FRMPD4: variants seen among roughly 807,000 people sequenced by gnomAD.
FRMPD4 encodes FERM and PDZ domain-containing protein 4.
FRMPD4 carries 22 observed loss-of-function variants against 94.1 expected under a neutral mutation model. The ratio of observed to expected loss-of-function variants is 0.23; its 90% confidence interval spans 0.17 to 0.33. FRMPD4 has a LOEUF of 0.33. FRMPD4 is among the 10% of genes least tolerant of loss of function. The pLI is 1.00. For missense variants in FRMPD4, 1,111 were observed against 1,339.9 expected (o/e 0.83, Z 2.67); for synonymous variants, 631 against 548.6 (o/e 1.15, Z -2.10).
At chrX:12,481,496 A>T (rs2057679660) in intron 1 of FRMPD4, among the ~76,000 whole-genome samples, 1 of 111,175 alleles carries the variant, frequency 9.0e-6, no homozygotes, top group Admixed American at 9.6e-5. Flanking sequence ...AGGGGTGCTG[A>T]CTTTCATGAC....
intron 4 of FRMPD4, among the ~76,000 whole-genome samples, chrX:12,657,846 G>A (rs1272093976): frequency 1.8e-5 from 2 of 112,514 alleles, no homozygotes; most frequent in African/African-American, 6.5e-5. Context: ...TTAAATTTAA[G>A]TCTAGCCTCC....
chrX:12,627,668 T>C (rs760111255), intron 4 of FRMPD4, among the ~76,000 whole-genome samples: 1 of 112,399 alleles, frequency 8.9e-6, no homozygotes, highest in South Asian at 3.7e-4. Flanking sequence ...ATTATCTTAA[T>C]GTCCTTAGAT....
At chrX:12,253,886 G>A (rs2054079384) in intron 1 of FRMPD4, among the ~76,000 whole-genome samples, 1 of 111,240 alleles carries the variant, frequency 9.0e-6, no homozygotes, top group Non-Finnish European at 1.9e-5. Context: ...ATATTATCAG[G>A]AGAACATGAG....
At chrX:12,266,812 G>C (rs2054284070) in intron 1 of FRMPD4, among the ~76,000 whole-genome samples, 3 of 112,138 alleles carry the variant, frequency 2.7e-5, no homozygotes, top group Admixed American at 9.4e-5. Context: ...ATTCAGAGTA[G>C]CCTATAGTGG....
chrX:12,547,441 T>C, intron 2 of FRMPD4, among the ~76,000 whole-genome samples: 1 of 111,844 alleles, frequency 8.9e-6, no homozygotes, highest in South Asian at 3.7e-4. Context: ...GAGAGAGAAA[T>C]ATTTCATGGC....
At chrX:12,277,589 G>A (rs1393432096) in intron 1 of FRMPD4, among the ~76,000 whole-genome samples, 4 of 111,770 alleles carry the variant, frequency 3.6e-5, no homozygotes, top group Non-Finnish European at 7.5e-5. Context: ...CTGACACAGG[G>A]AAGACATCTC....
intron 1 of FRMPD4, among the ~76,000 whole-genome samples, chrX:12,195,881 G>A (rs571282339): frequency 8.9e-6 from 1 of 111,756 alleles, no homozygotes; most frequent in African/African-American, 3.3e-5. Flanking sequence ...GAGGGCAGAA[G>A]TCATAGGCCA....
chrX:12,352,353 C>G (rs1047467246), intron 1 of FRMPD4, among the ~76,000 whole-genome samples: 1 of 112,120 alleles, frequency 8.9e-6, no homozygotes, highest in Non-Finnish European at 1.9e-5. Flanking sequence ...TGTGTGTGAC[C>G]AGTCAAAATA....
At chrX:12,162,078 A>G (rs925492131) in intron 1 of FRMPD4, among the ~76,000 whole-genome samples, 1 of 112,206 alleles carries the variant, frequency 8.9e-6, no homozygotes, top group African/African-American at 3.2e-5. Context: ...GAAAAGAAAA[A>G]ACAGTGGCTG....
At chrX:12,503,157 G>C (rs1270030672) in intron 2 of FRMPD4, among the ~76,000 whole-genome samples, 7 of 111,842 alleles carry the variant, frequency 6.3e-5, no homozygotes, top group Non-Finnish European at 1.3e-4. Flanking sequence ...TAAAATACTA[G>C]CTGGCAAAAT....
chrX:12,434,645 G>A (rs2057044631), intron 1 of FRMPD4, among the ~76,000 whole-genome samples: 1 of 112,096 alleles, frequency 8.9e-6, no homozygotes, highest in Non-Finnish European at 1.9e-5. Context: ...GCTCAGACCT[G>A]GCTTCTAAAA....
intron 1 of FRMPD4, among the ~76,000 whole-genome samples, chrX:12,191,438 C>T (rs1387368845): frequency 8.9e-6 from 1 of 111,940 alleles, no homozygotes. Context: ...AACAAAAGCC[C>T]GCACACGAAT....
intron 16 of FRMPD4, among the ~76,000 whole-genome samples, chrX:12,720,044 GGAAAGGAAAGAAAGAAA>G (rs1485455482): frequency 1.6e-3 from 48 of 30,400 alleles, no homozygotes; most frequent in South Asian, 0.012. Flanking sequence ...GGAAAGGAAA[GGAAAGGAAAGAAAGAAA>G]GAAAGAAAGA....
At chrX:11,848,571 A>T (rs1457638311) in intron 1 of FRMPD4, among the ~76,000 whole-genome samples, 22 of 106,603 alleles carry the variant, frequency 2.1e-4, no homozygotes, top group Admixed American at 1.0e-4. Flanking sequence ...AGACTCTTTC[A>T]TCCAGGGATA....
intron 3 of FRMPD4, among the ~76,000 whole-genome samples, chrX:12,007,256 A>G (rs1217240331): frequency 8.9e-6 from 1 of 111,751 alleles, no homozygotes; most frequent in Non-Finnish European, 1.9e-5. Flanking sequence ...TGCCAGCCAC[A>G]TGAATAAGCC....
chrX:12,309,442 G>A (rs1054014230), intron 1 of FRMPD4, among the ~76,000 whole-genome samples: 2 of 112,405 alleles, frequency 1.8e-5, no homozygotes, highest in Non-Finnish European at 3.8e-5. Context: ...CTTTGAACTT[G>A]TGTTTGCAGT....
At chrX:12,046,570 C>T (rs1304889441) in intron 3 of FRMPD4, among the ~76,000 whole-genome samples, 1 of 111,768 alleles carries the variant, frequency 8.9e-6, no homozygotes, top group Non-Finnish European at 1.9e-5. Flanking sequence ...GTTCCCTCAG[C>T]CCCCTCTTTG....
chrX:12,064,331 G>T (rs1049274889), intron 3 of FRMPD4, among the ~76,000 whole-genome samples: 3 of 112,191 alleles, frequency 2.7e-5, no homozygotes, highest in African/African-American at 9.7e-5. Flanking sequence ...TCAGAGTTGG[G>T]ATTTGAACCA....
chrX:12,443,799 G>GA (rs1288141822), intron 1 of FRMPD4, among the ~76,000 whole-genome samples: 1 of 111,452 alleles, frequency 9.0e-6, no homozygotes, highest in Non-Finnish European at 1.9e-5. Context: ...GCTTTTTGTG[G>GA]AAAAAAACAC....
Sources: gnomAD v4.1 joint callset for allele counts (sites outside exome capture counted in the v4.1 genomes callset) on GRCh38, gnomAD v4.1.1 for gene constraint, MANE v1.5 for transcripts, NCBI Gene and HGNC (gene_info 2026-07-23, HGNC 2026-07-21) for gene names.